NRDC: variants seen among roughly 807,000 people sequenced by gnomAD.
The protein encoded by NRDC is nardilysin convertase.
Under a neutral mutation model 147.1 loss-of-function variants are expected in NRDC, and 54 were observed. The ratio of observed to expected loss-of-function variants is 0.37; its 90% CI spans 0.29 to 0.46. The LOEUF (loss-of-function observed/expected upper bound fraction) is 0.46. NRDC is among the 20% of genes least tolerant of loss of function. NRDC has a pLI of 1.00. For synonymous variants in NRDC, 440 were observed against 482.1 expected (o/e 0.91, Z 1.14); for missense variants, 1,082 against 1,370.6 (o/e 0.79, Z 3.33).
At chr1:51,835,943 C>T (rs1215929077) in intron 3 of NRDC, among the ~76,000 whole-genome samples, 188 bp downstream of exon 3, 2 of 152,178 alleles carry the variant, frequency 1.3e-5, no homozygotes. Context: ...TTCATTCTAA[C>T]TCTCAATATA....
intron 1 of NRDC, among the ~76,000 whole-genome samples, chr1:51,855,591 A>G (rs1366828468): frequency 6.6e-6 from 1 of 152,186 alleles, no homozygotes; most frequent in East Asian, 1.9e-4. Context: ...TGGGAGGAAA[A>G]ACTAACAACA....
At chr1:51,804,769 G>T (rs1432130570) in intron 19 of NRDC, among the ~76,000 whole-genome samples, 5 of 151,592 alleles carry the variant, frequency 3.3e-5, no homozygotes, top group Non-Finnish European at 5.9e-5. Context: ...CCTAAGTTCA[G>T]ATACATTTCC....
At position 51,818,127 on chromosome 1, in the gene NRDC, T is replaced by C. The variant is rs142433757; in HGVS notation, c.1300A>G (p.Ile434Val). 1.6e-5 allele frequency: 26 copies of C among 1,602,082 alleles called. No individual in the cohort carries two copies. The highest frequency in any genetic ancestry group is 1.8e-4 in the Middle Eastern group (1 of 5,690). The change falls in exon 10 of 31, where the codon ATC becomes GTC. Residue 434 changes from isoleucine to valine, a missense_variant. Around this residue, in one of 3 missense-constraint regions of NRDC, gnomAD observed 635 missense variants for 923.8 expected, o/e 0.69. Coordinates refer to ENST00000352171, the MANE Select transcript of NRDC (RefSeq NM_001101662.2). ...AFNKLYRVVPIRKIHALTITW... is the reference protein window; with the variant it reads ...AFNKLYRVVPVRKIHALTITW... ...ATGGTCAGAGCATGAATTTTTCTGA[T>C]TGGAACAACTAAACAAAAATATTTT...
At chr1:51,869,945 A>AT (rs1392612486) in intron 1 of NRDC, among the ~76,000 whole-genome samples, 2 of 152,162 alleles carry the variant, frequency 1.3e-5, no homozygotes, top group Non-Finnish European at 2.9e-5. Context: ...GAGGGATCTC[A>AT]TTTTGTTGCC....
chr1:51,803,330 C>G (rs1679294151), intron 20 of NRDC, among the ~76,000 whole-genome samples: 1 of 152,092 alleles, frequency 6.6e-6, no homozygotes, highest in African/African-American at 2.4e-5. Flanking sequence ...CAAAAATTAG[C>G]TGGGTGTGGT....
At chr1:51,838,525 G>T (rs1681095294) in intron 2 of NRDC, among the ~76,000 whole-genome samples, 3 of 152,152 alleles carry the variant, frequency 2.0e-5, no homozygotes, top group Admixed American at 1.3e-4. Flanking sequence ...TAGATGGAAA[G>T]ATATAGAAAA....
chr1:51,808,955 T>A (rs372203985), intron 17 of NRDC, among the ~76,000 whole-genome samples: 2 of 152,350 alleles, frequency 1.3e-5, no homozygotes, highest in East Asian at 3.9e-4. Context: ...TCTAATGGGC[T>A]GCCACCTGCA....
At chr1:51,796,664 T>C (rs1571840091) in intron 22 of NRDC, among the ~76,000 whole-genome samples, 1 of 151,726 alleles carries the variant, frequency 6.6e-6, no homozygotes, top group East Asian at 2.0e-4. Flanking sequence ...CTCAGTTTAG[T>C]GCAACCTCCG....
At chr1:51,795,103 C>T in intron 22 of NRDC, 1 of 1,435,644 alleles carries the variant, frequency 7.0e-7, no homozygotes, top group Non-Finnish European at 9.2e-7. Flanking sequence ...TACAGTTTCC[C>T]AACTGGATCA....
chr1:51,791,481 GC>G (rs1678651576), intron 27 of NRDC, 96 bp downstream of exon 27: 3 of 943,864 alleles, frequency 3.2e-6, no homozygotes, highest in Non-Finnish European at 5.2e-6. Context: ...GAGCAAACCT[GC>G]TTGGTCAGGG....
chr1:51,816,051 C>T (rs1335182700), intron 11 of NRDC: 1 of 197,122 alleles, frequency 5.1e-6, no homozygotes, highest in Non-Finnish European at 1.0e-5. Flanking sequence ...ATTCTGGAAT[C>T]TATTAATTTC....
chr1:51,861,265 C>CTTT lies in NRDC; in HGVS notation c.341+17007_341+17009dup, dbSNP rs71063057. 4.4e-3 allele frequency among the ~76,000 whole-genome samples: 471 copies of CTTT among 108,044 alleles called. 12 individuals are homozygous for CTTT. The highest frequency in any genetic ancestry group is 0.026 in the East Asian group (90 of 3,424). The allele number at this position is 108,044 out of a possible 152,430, so 70.9% of individuals were successfully genotyped here. A position where few individuals can be genotyped will look rare whatever the true frequency, so the allele number is the denominator to read the frequency against. ...GCACCCGGCTGCCCAAGTGGTATTACTTTTTTTTTTTTTTTTTTTGAGACA... is the reference window on the plus strand; with the variant it reads ...GCACCCGGCTGCCCAAGTGGTATTACTTTTTTTTTTTTTTTTTTTTTTGAGACA... On this transcript the variant is annotated intron_variant, in intron 1 of 30. Coordinates refer to ENST00000352171, the MANE Select transcript of NRDC (RefSeq NM_001101662.2).
intron 3 of NRDC, among the ~76,000 whole-genome samples, chr1:51,835,853 T>A (rs1680942191): frequency 6.6e-6 from 1 of 152,196 alleles, no homozygotes; most frequent in Non-Finnish European, 1.5e-5. Flanking sequence ...TCCTAGAAAA[T>A]GGCAATCATC....
intron 4 of NRDC, among the ~76,000 whole-genome samples, chr1:51,830,767 G>A (rs1680672494): frequency 6.6e-6 from 1 of 152,158 alleles, no homozygotes; most frequent in African/African-American, 2.4e-5. Context: ...AATAGAAGAC[G>A]CCACCATGGT....
At chr1:51,873,192 T>C (rs1028073315) in intron 1 of NRDC, among the ~76,000 whole-genome samples, 4 of 152,186 alleles carry the variant, frequency 2.6e-5, no homozygotes, top group African/African-American at 9.7e-5. Context: ...TCTCTTGTTT[T>C]CTGGTGTATA....
At chr1:51,878,195 A>C in intron 1 of NRDC, 80 bp downstream of exon 1, 1 of 1,495,014 alleles carries the variant, frequency 6.7e-7, no homozygotes, top group South Asian at 1.2e-5. Flanking sequence ...ATTGGGAGAC[A>C]TGGAGACAAG....
chr1:51,836,014 T>TAG, intron 3 of NRDC, 117 bp downstream of exon 3: 1 of 781,962 alleles, frequency 1.3e-6, no homozygotes, highest in Non-Finnish European at 2.1e-6. Context: ...CTTAGCCTTT[T>TAG]CTCTTGCTAA....
At chr1:51,795,170 G>A in intron 22 of NRDC, 1 of 1,355,448 alleles carries the variant, frequency 7.4e-7, no homozygotes, top group East Asian at 4.2e-5. Flanking sequence ...ATGACAACAT[G>A]GACTATGTTT....
chr1:51,836,321 C>A, intron 2 of NRDC, 109 bp from the exon 3 acceptor site: 2 of 1,597,174 alleles, frequency 1.3e-6, no homozygotes, highest in Non-Finnish European at 1.7e-6. Flanking sequence ...ATAGGAGTAA[C>A]AAAATTCTTT....
Sources: gnomAD v4.1 joint callset for allele counts (sites outside exome capture counted in the v4.1 genomes callset) on GRCh38, gnomAD v4.1.1 for gene constraint, gnomAD v4.1.1 regional missense constraint, MANE v1.5 for transcripts, NCBI Gene and HGNC (gene_info 2026-07-23, HGNC 2026-07-21) for gene names.